The following ZER1 variants were observed in gnomAD, a reference collection of about 807,000 sequenced individuals.
ZER1 encodes protein zer-1 homolog.
Under a neutral mutation model 78.8 loss-of-function variants are expected in ZER1, and 11 were observed. The ratio of observed to expected loss-of-function variants is 0.14; its 90% confidence interval spans 0.09 to 0.23. ZER1 has a LOEUF of 0.23. Among genes scored for constraint, ZER1 ranks in the 10% least tolerant of loss-of-function variants. The probability of loss-of-function intolerance (pLI) is 1.00; values close to 1 mark genes in which losing one functional copy is unlikely to be tolerated. For missense variants in ZER1, 588 were observed against 996.9 expected (o/e 0.59, Z 5.52); for synonymous variants, 400 against 407.0 (o/e 0.98, Z 0.21).
At chr9:128,748,298 G>A (rs762500104) in intron 8 of ZER1, among the ~76,000 whole-genome samples, 78 of 151,530 alleles carry the variant, frequency 5.1e-4, no homozygotes, top group Non-Finnish European at 9.6e-4. Context: ...CCAGCTACTC[G>A]GGAGGCTGAG....
intron 8 of ZER1, 122 bp downstream of exon 8, chr9:128,750,494 G>T (rs755286173): frequency 1.5e-4 from 179 of 1,164,722 alleles, no homozygotes; most frequent in Non-Finnish European, 2.0e-4. Flanking sequence ...AGGGAGTGCT[G>T]CTGTGGGAAA....
intron 14 of ZER1, among the ~76,000 whole-genome samples, chr9:128,733,789 A>T (rs1273028327): frequency 4.8e-5 from 7 of 145,812 alleles, no homozygotes; most frequent in African/African-American, 1.8e-4. Flanking sequence ...TCTTTTTTTT[A>T]AAAAAAAATT....
chr9:128,756,688 C>T (rs767741798), intron 1 of ZER1, among the ~76,000 whole-genome samples: 14 of 152,120 alleles, frequency 9.2e-5, no homozygotes, highest in South Asian at 2.1e-4. Context: ...TGTCCAGTGA[C>T]GATAGGCAAA....
chr9:128,754,037 C>A lies in ZER1; in HGVS notation c.159-78G>T, dbSNP rs899045255. On this transcript the variant is annotated intron_variant, in intron 2 of 15. Coordinates refer to ENST00000291900, the MANE Select transcript of ZER1 (RefSeq NM_006336.4). The surrounding 1 kb of genome is among the most constrained non-coding windows in gnomAD (Gnocchi z 4.3). ...CGCTTCAAAGCCAAGCCCTCCTCCC[C>A]CTGAAGCTTTCTTGGATCACCCCAA... 11 of 1,510,036 alleles carry A rather than the reference C, an allele frequency of 7.3e-6. No individual in the cohort carries two copies. The South Asian group carries it at 8.9e-5, about 12-fold the overall frequency. 93.5% of individuals were successfully genotyped at this position (1,510,036 alleles called of 1,614,324 possible).
intron 1 of ZER1, among the ~76,000 whole-genome samples, chr9:128,763,537 C>T (rs1415877223): frequency 1.3e-5 from 2 of 152,198 alleles, no homozygotes; most frequent in African/African-American, 4.8e-5. Flanking sequence ...CCACATGGAG[C>T]GTACTGGCTC....
chr9:128,744,131 T>C (rs1014221432), intron 8 of ZER1, among the ~76,000 whole-genome samples: 2 of 151,424 alleles, frequency 1.3e-5, no homozygotes, highest in Non-Finnish European at 2.9e-5. Flanking sequence ...ACTTCTGACC[T>C]CGTGATCCAC....
chr9:128,771,531 C>G (rs971528960), intron 1 of ZER1, 50 bp downstream of exon 1: 2 of 152,500 alleles, frequency 1.3e-5, no homozygotes, highest in African/African-American at 4.8e-5. Context: ...AGGCAGGAGG[C>G]GAAGGAGGAG....
chr9:128,765,760 G>T (rs1053099580), intron 1 of ZER1, among the ~76,000 whole-genome samples: 1 of 152,318 alleles, frequency 6.6e-6, no homozygotes, highest in East Asian at 1.9e-4. Flanking sequence ...GAGACTGGGG[G>T]TGTGAGGGGA....
At chr9:128,756,724 G>A (rs1484026343) in intron 1 of ZER1, among the ~76,000 whole-genome samples, 1 of 152,188 alleles carries the variant, frequency 6.6e-6, no homozygotes, top group African/African-American at 2.4e-5. Context: ...GTAGGTTTGT[G>A]GTTGGGAAAA....
At chr9:128,769,297 ATCC>A (rs1255301342) in intron 1 of ZER1, among the ~76,000 whole-genome samples, 1 of 152,162 alleles carries the variant, frequency 6.6e-6, no homozygotes, top group Non-Finnish European at 1.5e-5. Flanking sequence ...TCATCACATC[ATCC>A]TCATCAGCGT....
rs560454940 is a variant in ZER1 at position 128,732,558 on chromosome 9, C to T, written c.2243+868G>A. Among the ~76,000 whole-genome samples the T allele has an allele frequency of 3.5e-4, 53 of 152,118 alleles. No homozygotes were observed. Among genetic ancestry groups the T allele is most frequent in the African/African-American group, 1.2e-3 (48 of 41,496 alleles). ...CTAATTTTTGTATTTTTAGTAGAGA[C>T]GGGGTTTTACCATGTTAGCCAGGTC... On this transcript the variant is annotated intron_variant, in intron 15 of 15. Coordinates refer to ENST00000291900, the MANE Select transcript of ZER1 (RefSeq NM_006336.4). The surrounding 1 kb of genome is among the most constrained non-coding windows in gnomAD (Gnocchi z 4.8).
In ZER1 at chr9:128,743,208, C is replaced by A. The variant is rs575389617; in HGVS notation, c.1360-463G>T. Among the ~76,000 whole-genome samples, 34 of 152,046 alleles carry A rather than the reference C, an allele frequency of 2.2e-4. No individual in the cohort carries two copies. In the South Asian group the frequency reaches 6.9e-3, roughly 31 times the overall value. Reference sequence around the variant, plus strand: ...TCTCGGCTCACTGCAACCTTCACCTCCCTGGTTCAAACAATTCTCCTGCCT... The same window carrying A: ...TCTCGGCTCACTGCAACCTTCACCTACCTGGTTCAAACAATTCTCCTGCCT... On this transcript the variant is annotated intron_variant, in intron 8 of 15. Transcript: ENST00000291900.
chr9:128,736,886 G>T (rs952612967), intron 13 of ZER1, among the ~76,000 whole-genome samples: 12 of 151,614 alleles, frequency 7.9e-5, no homozygotes, highest in Admixed American at 3.9e-4. Context: ...GCTCACACCT[G>T]TAATCCTAGC....
At chr9:128,756,529 A>C (rs954110911) in intron 1 of ZER1, among the ~76,000 whole-genome samples, 13 of 152,262 alleles carry the variant, frequency 8.5e-5, no homozygotes, top group African/African-American at 2.9e-4. Flanking sequence ...ACGGATCAAC[A>C]AAATGTTACA....
intron 1 of ZER1, among the ~76,000 whole-genome samples, chr9:128,768,891 A>G (rs541222422): frequency 6.6e-6 from 1 of 152,074 alleles, no homozygotes; most frequent in South Asian, 2.1e-4. Flanking sequence ...CATTCATTTC[A>G]ACACCCTCAT....
chr9:128,756,138 A>G (rs980429343), intron 1 of ZER1, among the ~76,000 whole-genome samples: 2 of 152,234 alleles, frequency 1.3e-5, no homozygotes, highest in Non-Finnish European at 2.9e-5. Flanking sequence ...AGCAATGAAA[A>G]CATATGTCCA....
chr9:128,761,833 T>C (rs1053746845), intron 1 of ZER1, among the ~76,000 whole-genome samples: 21 of 151,918 alleles, frequency 1.4e-4, no homozygotes, highest in Admixed American at 1.3e-3. Flanking sequence ...CTCGAACTCC[T>C]GACCTTGTGA....
At chr9:128,746,815 A>C (rs1863508293) in intron 8 of ZER1, among the ~76,000 whole-genome samples, 1 of 151,666 alleles carries the variant, frequency 6.6e-6, no homozygotes, top group Non-Finnish European at 1.5e-5. Flanking sequence ...TTTGTATTTT[A>C]AGTAGAGACC....
rs1203049523 is a variant in ZER1 at position 128,734,127 on chromosome 9, C to CA, written c.2141-600dup. On this transcript the variant is annotated intron_variant, in intron 14 of 15. Transcript: ENST00000291900. ...TGGGCGACAGAGCAAAACTCCGTCT[C>CA]AAAAAAAAAAAAAAAAAATATATAT... Among the ~76,000 whole-genome samples, 27 of 5,902 alleles carry CA rather than the reference C, an allele frequency of 4.6e-3. 1 individual carries two copies. Among genetic ancestry groups the CA allele is most frequent in the Non-Finnish European group, 8.2e-3 (27 of 3,276 alleles). The allele number at this position is 5,902 out of a possible 152,430, so 3.9% of individuals were successfully genotyped here. A position where few individuals can be genotyped will look rare whatever the true frequency, so the allele number is the denominator to read the frequency against.
Sources: gnomAD v4.1 joint callset for allele counts (sites outside exome capture counted in the v4.1 genomes callset) on GRCh38, gnomAD v4.1.1 for gene constraint, Gnocchi (gnomAD v3.1) non-coding constraint, MANE v1.5 for transcripts, NCBI Gene and HGNC (gene_info 2026-07-23, HGNC 2026-07-21) for gene names.